HDAC1: variants seen among roughly 807,000 people sequenced by gnomAD.
HDAC1 encodes protein deacetylase HDAC1.
HDAC1 carries 18 observed loss-of-function variants against 65.5 expected under a neutral mutation model. That is an observed-to-expected ratio of 0.27 (90% CI 0.19 to 0.41). The LOEUF is 0.41. Among genes scored for constraint, HDAC1 ranks in the 10% least tolerant of loss-of-function variants. The pLI is 1.00. For missense variants in HDAC1, 373 were observed against 625.2 expected, an observed-to-expected ratio of 0.60 and a Z score of 4.30; for synonymous variants, 211 against 227.9, an observed-to-expected ratio of 0.93 and a Z score of 0.67.
intron 1 of HDAC1, among the ~76,000 whole-genome samples, chr1:32,296,108 A>G (rs1235293590): frequency 6.6e-6 from 1 of 152,182 alleles, no homozygotes; most frequent in Non-Finnish European, 1.5e-5. Context: ...CTTTAGGGAA[A>G]GGGGCCGTGC....
chr1:32,333,020 C>T lies in HDAC1; in HGVS notation c.1425C>T (p.Val475=). Residue 475 remains valine, a synonymous_variant, in exon 14 of 14, where the codon GTC becomes GTT. Coordinates refer to ENST00000373548, the MANE Select transcript of HDAC1 (RefSeq NM_004964.3). ...CCAGTCTCTGCTCTCTCCACAGGGT[C>T]AAGGAGGAGGTCAAGTTGGCCTGAA... The part of the protein sequence containing the change: ...TKEEKPEAKG[V]KEEVKLA The T allele has an allele frequency of 6.2e-7, 1 of 1,613,764 alleles. No individual in the cohort carries two copies. The highest frequency in any genetic ancestry group is 8.5e-7 in the Non-Finnish European group (1 of 1,179,806).
At chr1:32,308,690 T>C (rs948855647) in intron 2 of HDAC1, among the ~76,000 whole-genome samples, 1 of 151,942 alleles carries the variant, frequency 6.6e-6, no homozygotes, top group Non-Finnish European at 1.5e-5. Context: ...GGCTAATTTT[T>C]TGTATTTTTA....
intron 2 of HDAC1, among the ~76,000 whole-genome samples, chr1:32,310,751 G>T (rs1640979259): frequency 6.6e-6 from 1 of 151,928 alleles, no homozygotes; most frequent in South Asian, 2.1e-4. Flanking sequence ...TCGGGAGGCT[G>T]GGGCAAGAGA....
chr1:32,315,981 C>CA (rs111919247), intron 2 of HDAC1, among the ~76,000 whole-genome samples: 1,382 of 130,116 alleles, frequency 0.011, 23 homozygotes, highest in African/African-American at 0.033. Flanking sequence ...AACAAACAAA[C>CA]AAAAAAAAAC....
intron 2 of HDAC1, among the ~76,000 whole-genome samples, chr1:32,309,605 T>C (rs1223652315): frequency 6.7e-6 from 1 of 149,140 alleles, no homozygotes; most frequent in African/African-American, 2.5e-5. Flanking sequence ...GAAAATCGCT[T>C]GAACCTGGGT....
chr1:32,304,428 G>A (rs567914052), intron 2 of HDAC1, among the ~76,000 whole-genome samples: 3 of 152,080 alleles, frequency 2.0e-5, no homozygotes, highest in Non-Finnish European at 4.4e-5. Flanking sequence ...GCTCCCGAGA[G>A]CTCTGCTCCC....
At position 32,316,832 on chromosome 1, in the gene HDAC1, C is replaced by G. The variant is rs138636514; in HGVS notation, c.280+50C>G. ...CTCTGAAGCCGCCAGTTGCATCTCCCTTTCCACTGTAGAGGCCCATTCTGC... is the reference window on the plus strand; with the variant it reads ...CTCTGAAGCCGCCAGTTGCATCTCCGTTTCCACTGTAGAGGCCCATTCTGC... On this transcript the variant is annotated intron_variant, in intron 3 of 13. Coordinates refer to ENST00000373548, the MANE Select transcript of HDAC1 (RefSeq NM_004964.3). 38 of 1,150,522 alleles carry G rather than the reference C, an allele frequency of 3.3e-5. No individual in the cohort carries two copies. The African/African-American group carries it at 4.8e-4, about 15-fold the overall frequency. The allele number at this position is 1,150,522 out of a possible 1,614,324, so 71.3% of individuals were successfully genotyped here.
chr1:32,331,014 T>G lies in HDAC1; in HGVS notation c.979+106T>G. The G allele has an allele frequency of 1.0e-6, 1 of 969,172 alleles. No homozygotes were observed. Among genetic ancestry groups the G allele is most frequent in the Non-Finnish European group, 1.6e-6 (1 of 625,494 alleles). The allele number at this position is 969,172 out of a possible 1,614,324, so 60.0% of individuals were successfully genotyped here. A position where few individuals can be genotyped will look rare whatever the true frequency, so the allele number is the denominator to read the frequency against. On this transcript the variant is annotated intron_variant, in intron 9 of 13. Coordinates refer to ENST00000373548, the MANE Select transcript of HDAC1 (RefSeq NM_004964.3). This position sits in a 1 kb window ranked among gnomAD's most constrained non-coding sequence, Gnocchi z 4.2. ...GTTGGTCATATGACCGCTCCTCTTC[T>G]GATACTAGTCACTGAGTCTCCTGCC...
In HDAC1 at chr1:32,302,719, A is replaced by G; in HGVS notation, c.148A>G (p.Lys50Glu). Residue 50 changes from lysine (K) to glutamate (E), a missense_variant, in exon 2 of 14, where the codon AAA (lysine) becomes GAA (glutamate). Around this residue, in one of 4 missense-constraint regions of HDAC1, gnomAD observed 80 missense variants for 126.3 expected, o/e 0.63. Transcript: ENST00000373548. ...GCTGCTCAACTATGGTCTCTACCGA[A>G]AAATGGAAATCTATGTGAGTTACCA... ...NLLLNYGLYR[K>E]MEIYRPHKAN... The G allele has an allele frequency of 1.3e-6, 2 of 1,558,812 alleles. No homozygotes were observed. Among genetic ancestry groups the G allele is most frequent in the Non-Finnish European group, 1.8e-6 (2 of 1,129,564 alleles).
rs532381330 is a variant in HDAC1 at position 32,308,806 on chromosome 1, C to T, written c.162+6073C>T. Among the ~76,000 whole-genome samples the T allele has an allele frequency of 9.2e-5, 14 of 151,620 alleles. No individual in the cohort carries two copies. In the East Asian group the frequency reaches 2.0e-3, roughly 21 times the overall value. ...GTGCTGGGATTACAGGCGTGAGCCA[C>T]GGCGCCTGGCCCGTTTTATTTTTTT... On this transcript the variant is annotated intron_variant, in intron 2 of 13. Coordinates refer to ENST00000373548, the MANE Select transcript of HDAC1 (RefSeq NM_004964.3).
In HDAC1 at chr1:32,296,200, T is replaced by G. The variant is rs539895146; in HGVS notation, c.49+3982T>G. 9.5e-4 allele frequency among the ~76,000 whole-genome samples: 144 copies of G among 152,280 alleles called. 1 individual carries two copies. Among genetic ancestry groups the G allele is most frequent in the African/African-American group, 3.3e-3 (137 of 41,556 alleles). ...TCAATAAATATTTGTTGATTAAATG[T>G]ATAATGATAGAGAGTGAGGGGCCGG... On this transcript the variant is annotated intron_variant, in intron 1 of 13. Transcript: ENST00000373548.
rs2148073211 is a variant in HDAC1, at chr1:32,331,722, G to A, written c.1135G>A (p.Val379Ile). 2.5e-6 allele frequency: 4 copies of A among 1,614,076 alleles called. No homozygotes were observed. The East Asian group carries it at 8.9e-5, about 36-fold the overall frequency. ...NLRMLPHAPGVQMQAIPEDAI... is the reference protein window; with the variant it reads ...NLRMLPHAPGIQMQAIPEDAI... ...TAGAATGCTGCCGCACGCACCTGGG[G>A]TCCAAATGCAGGCGATTCCTGAGGA... The change falls in exon 11 of 14, where the codon GTC (valine) becomes ATC (isoleucine). Residue 379 changes from valine to isoleucine, a missense_variant. This residue lies in a region of HDAC1 where 105 missense variants were observed against 192.6 expected (regional missense o/e 0.55). Coordinates refer to ENST00000373548, the MANE Select transcript of HDAC1 (RefSeq NM_004964.3). This position sits in a 1 kb window ranked among gnomAD's most constrained non-coding sequence, Gnocchi z 4.2.
chr1:32,325,248 T>C (rs774026904), intron 4 of HDAC1, among the ~76,000 whole-genome samples: 6 of 152,246 alleles, frequency 3.9e-5, no homozygotes, highest in Non-Finnish European at 7.3e-5. Flanking sequence ...ACTCCTCATG[T>C]ATCTCCCACT....
chr1:32,316,878 A>G, intron 3 of HDAC1, 96 bp downstream of exon 3: 1 of 769,042 alleles, frequency 1.3e-6, no homozygotes, highest in Non-Finnish European at 2.3e-6. Flanking sequence ...CCTCCCATTC[A>G]GTGGACACCT....
Position 32,302,534 on chromosome 1 carries a change from A to T in HDAC1, c.50-87A>T. On this transcript the variant is annotated intron_variant, in intron 1 of 13. Transcript: ENST00000373548. ...CTAGAAATGAGCCAGAAAGAATTTG[A>T]CTGGGAGTTCGCTGTAAAAATTCCT... The T allele has an allele frequency of 4.4e-6, 3 of 677,966 alleles. No homozygotes were observed. In the South Asian group the frequency reaches 4.7e-5, roughly 11 times the overall value. The allele number at this position is 677,966 out of a possible 1,614,324, so 42.0% of individuals were successfully genotyped here. A position where few individuals can be genotyped will look rare whatever the true frequency, so the allele number is the denominator to read the frequency against.
At chr1:32,302,095 A>G (rs1240092968) in intron 1 of HDAC1, among the ~76,000 whole-genome samples, 1 of 152,210 alleles carries the variant, frequency 6.6e-6, no homozygotes, top group Non-Finnish European at 1.5e-5. Context: ...AGTGTTATAG[A>G]TTAAGCATGT....
chr1:32,303,658 C>G (rs545739759), intron 2 of HDAC1, among the ~76,000 whole-genome samples: 51 of 152,100 alleles, frequency 3.4e-4, no homozygotes, highest in African/African-American at 1.2e-3. Context: ...GTAAAATCTC[C>G]TAGGTTTAAA....
At chr1:32,296,965 G>A (rs1231327101) in intron 1 of HDAC1, among the ~76,000 whole-genome samples, 5 of 152,104 alleles carry the variant, frequency 3.3e-5, no homozygotes, top group African/African-American at 1.2e-4. Flanking sequence ...ATGGAGGTAA[G>A]TTTGAAGAGG....
At chr1:32,317,336 AG>A (rs1246031113) in intron 3 of HDAC1, among the ~76,000 whole-genome samples, 2 of 152,200 alleles carry the variant, frequency 1.3e-5, no homozygotes, top group Non-Finnish European at 2.9e-5. Context: ...CTTAGTTTGT[AG>A]GAATCGTGGG....
Sources: gnomAD v4.1 joint callset for allele counts (sites outside exome capture counted in the v4.1 genomes callset) on GRCh38, gnomAD v4.1.1 for gene constraint, gnomAD v4.1.1 regional missense constraint, Gnocchi (gnomAD v3.1) non-coding constraint, MANE v1.5 for transcripts, NCBI Gene and HGNC (gene_info 2026-07-23, HGNC 2026-07-21) for gene names.